Variants in FGD4 observed in about 807,000 individuals in gnomAD.
FGD4 encodes FYVE, RhoGEF and PH domain containing 4, also known as FYVE, RhoGEF and PH domain-containing protein 4.
A neutral mutation model predicts 102.0 loss-of-function variants in FGD4; 42 were observed. The observed-to-expected ratio is 0.41, with a 90% CI of 0.32 to 0.53. FGD4 has a LOEUF of 0.53. Among genes scored for constraint, FGD4 ranks in the 20% least tolerant of loss-of-function variants. The probability of loss-of-function intolerance (pLI) is 0.21; values close to 1 mark genes in which losing one functional copy is unlikely to be tolerated. For synonymous variants in FGD4, 380 were observed against 375.7 expected (o/e 1.01, Z -0.13); for missense variants, 902 against 1,078.2 (o/e 0.84, Z 2.29).
At chr12:32,460,907 C>A (rs1018910776) in intron 1 of FGD4, among the ~76,000 whole-genome samples, 1 of 152,210 alleles carries the variant, frequency 6.6e-6, no homozygotes, top group Non-Finnish European at 1.5e-5. Context: ...TCTACCTAAA[C>A]TCTTTCTACA....
chr12:32,634,334 A>G lies in FGD4; in HGVS notation c.2313+645A>G, dbSNP rs191258800. Among the ~76,000 whole-genome samples, 198 of 152,328 alleles carry G rather than the reference A, an allele frequency of 1.3e-3. 1 individual carries two copies. Among genetic ancestry groups the G allele is most frequent in the African/African-American group, 4.6e-3 (190 of 41,570 alleles). On this transcript the variant is annotated intron_variant, in intron 15 of 16. Transcript: ENST00000534526. ...TTGGCTTTACAAACCACTTTAGATAAAAGTGCTATTACCTGACAGACTCTT... is the reference window on the plus strand; with the variant it reads ...TTGGCTTTACAAACCACTTTAGATAGAAGTGCTATTACCTGACAGACTCTT...
chr12:32,482,111 A>AT (rs1431969584), intron 1 of FGD4, among the ~76,000 whole-genome samples: 1 of 152,224 alleles, frequency 6.6e-6, no homozygotes, highest in Non-Finnish European at 1.5e-5. Flanking sequence ...TAAATTAAGC[A>AT]TTTTTTAAAA....
intron 1 of FGD4, among the ~76,000 whole-genome samples, chr12:32,517,345 G>A (rs920449059): frequency 5.9e-5 from 9 of 152,062 alleles, no homozygotes; most frequent in African/African-American, 2.2e-4. Flanking sequence ...AGTGCTTGAG[G>A]TAATGATGTC....
intron 1 of FGD4, among the ~76,000 whole-genome samples, chr12:32,530,941 GTTTTTTTTTTT>G (rs768536136): frequency 2.9e-3 from 204 of 70,480 alleles, no homozygotes; most frequent in African/African-American, 0.013. Context: ...CCTAGCTTTG[GTTTTTTTTTTT>G]TTTTTTTTTT....
At chr12:32,585,685 T>A (rs1946966385) in intron 4 of FGD4, among the ~76,000 whole-genome samples, 1 of 151,526 alleles carries the variant, frequency 6.6e-6, no homozygotes, top group African/African-American at 2.4e-5. Context: ...AATTTAAAAG[T>A]TCGCTGGGTG....
chr12:32,594,469 T>C (rs1947715254), intron 4 of FGD4, among the ~76,000 whole-genome samples: 1 of 152,192 alleles, frequency 6.6e-6, no homozygotes, highest in South Asian at 2.1e-4. Flanking sequence ...GTTGTATAAT[T>C]ACTTCCTTAC....
chr12:32,438,403 G>A (rs1176302582), intron 1 of FGD4, among the ~76,000 whole-genome samples: 3 of 152,094 alleles, frequency 2.0e-5, no homozygotes, highest in Non-Finnish European at 2.9e-5. Context: ...TGTACTTACT[G>A]TACTTTATTC....
At chr12:32,424,653 T>A (rs1226684133) in intron 1 of FGD4, among the ~76,000 whole-genome samples, 4 of 152,230 alleles carry the variant, frequency 2.6e-5, no homozygotes, top group Admixed American at 6.5e-5. Context: ...CATACTGTCT[T>A]CCACAATGGT....
intron 1 of FGD4, among the ~76,000 whole-genome samples, chr12:32,558,336 G>T (rs914656226): frequency 2.0e-5 from 3 of 152,202 alleles, no homozygotes; most frequent in Non-Finnish European, 2.9e-5. Context: ...AGAAAACTGT[G>T]TCTTCCCTCT....
At chr12:32,566,284 GTCC>G (rs1264982429) in intron 2 of FGD4, among the ~76,000 whole-genome samples, 1 of 152,174 alleles carries the variant, frequency 6.6e-6, no homozygotes, top group African/African-American at 2.4e-5. Context: ...TGAGAGCTCA[GTCC>G]TCATGACCTA....
intron 1 of FGD4, among the ~76,000 whole-genome samples, chr12:32,406,712 A>G (rs1940947845): frequency 6.6e-6 from 1 of 152,190 alleles, no homozygotes; most frequent in East Asian, 1.9e-4. Flanking sequence ...CAGCTGTTTC[A>G]GAATTACTTG....
chr12:32,400,031 C>G, intron 1 of FGD4, 72 bp downstream of exon 1: 1 of 1,399,706 alleles, frequency 7.1e-7, no homozygotes, highest in Non-Finnish European at 9.2e-7. Context: ...TCCCAGCGCC[C>G]TGCAGGTGCG....
intron 7 of FGD4, 48 bp from the exon 8 acceptor site, chr12:32,607,909 T>C (rs781038676): frequency 8.1e-6 from 13 of 1,611,414 alleles, no homozygotes; most frequent in Non-Finnish European, 1.0e-5. Context: ...TTTTTAGACT[T>C]GCTAACCTAA....
intron 1 of FGD4, among the ~76,000 whole-genome samples, chr12:32,550,536 G>A (rs1253293030): frequency 2.0e-5 from 3 of 151,580 alleles, no homozygotes; most frequent in Admixed American, 6.6e-5. Context: ...AGCCGGGTGT[G>A]ATGGTGCACC....
rs565704253 is a variant in FGD4, at chr12:32,645,104, A to G, written c.*4571A>G. The G allele has an allele frequency of 6.6e-5, 10 of 152,226 alleles. No individual in the cohort carries two copies. The highest frequency in any genetic ancestry group is 2.4e-4 in the African/African-American group (10 of 41,562). The allele number at this position is 152,226 out of a possible 1,614,324, so 9.4% of individuals were successfully genotyped here. A position where few individuals can be genotyped will look rare whatever the true frequency, so the allele number is the denominator to read the frequency against. Reference sequence around the variant, plus strand: ...TTTAGTGGAAAACGTAAATCAAGAAATCTCATATCATACTTTAATAAATAA... The same window carrying G: ...TTTAGTGGAAAACGTAAATCAAGAAGTCTCATATCATACTTTAATAAATAA... On this transcript the variant is annotated 3_prime_UTR_variant, in exon 17 of 17. Coordinates refer to ENST00000534526, the MANE Select transcript of FGD4 (RefSeq NM_001370298.3).
At chr12:32,443,024 T>G (rs756073180) in intron 1 of FGD4, among the ~76,000 whole-genome samples, 3 of 152,222 alleles carry the variant, frequency 2.0e-5, no homozygotes, top group African/African-American at 4.8e-5. Flanking sequence ...TTTAATTTGG[T>G]TGTTTTCTTG....
At chr12:32,457,300 A>T (rs540026463) in intron 1 of FGD4, among the ~76,000 whole-genome samples, 6 of 152,152 alleles carry the variant, frequency 3.9e-5, no homozygotes, top group African/African-American at 1.4e-4. Flanking sequence ...ATAGTTTAGC[A>T]TAAGTGTGCC....
At chr12:32,523,727 C>T (rs1454696338) in intron 1 of FGD4, among the ~76,000 whole-genome samples, 2 of 152,172 alleles carry the variant, frequency 1.3e-5, no homozygotes, top group Non-Finnish European at 2.9e-5. Flanking sequence ...GCAATCCCAA[C>T]ACTTTGGGAG....
chr12:32,429,765 T>C (rs574938111), intron 1 of FGD4, among the ~76,000 whole-genome samples: 7 of 152,302 alleles, frequency 4.6e-5, no homozygotes, highest in African/African-American at 1.7e-4. Context: ...GGGAGTGTCT[T>C]TTAGCATGCT....
Sources: gnomAD v4.1 joint callset for allele counts (sites outside exome capture counted in the v4.1 genomes callset) on GRCh38, gnomAD v4.1.1 for gene constraint, MANE v1.5 for transcripts, NCBI Gene and HGNC (gene_info 2026-07-23, HGNC 2026-07-21) for gene names.